PRKCA: variants seen among roughly 807,000 people sequenced by gnomAD.
PRKCA encodes protein kinase C alpha type.
PRKCA carries 27 observed loss-of-function variants against 87.0 expected under a neutral mutation model. The observed-to-expected ratio is 0.31, with a 90% CI of 0.23 to 0.43. The LOEUF is 0.43. PRKCA is among the 20% of genes least tolerant of loss of function. The pLI is 1.00. For synonymous variants in PRKCA, 329 were observed against 311.1 expected (o/e 1.06, Z -0.61); for missense variants, 518 against 852.3 (o/e 0.61, Z 4.88).
At chr17:66,329,462 A>G (rs1906192233) in intron 2 of PRKCA, among the ~76,000 whole-genome samples, 1 of 152,212 alleles carries the variant, frequency 6.6e-6, no homozygotes, top group Non-Finnish European at 1.5e-5. Context: ...TTACAAGTTA[A>G]GTTGAATGAA....
chr17:66,594,191 G>A (rs1484317609), intron 3 of PRKCA, among the ~76,000 whole-genome samples: 1 of 152,174 alleles, frequency 6.6e-6, no homozygotes, highest in Non-Finnish European at 1.5e-5. Flanking sequence ...TCTTCCACTG[G>A]AGTATTTCAC....
In PRKCA at chr17:66,526,592, G is replaced by A. The variant is rs1967355037; in HGVS notation, c.288+30309G>A. On this transcript the variant is annotated intron_variant, in intron 3 of 16. Transcript: ENST00000413366. ...GAGGATGGGCAGAAACACTAAGTCT[G>A]GTTCATTCTAGGCTTGGTAGGGGCA... Among the ~76,000 whole-genome samples, 4 of 152,240 alleles carry A rather than the reference G, an allele frequency of 2.6e-5. No homozygotes were observed. In the South Asian group the frequency reaches 8.3e-4, roughly 32 times the overall value.
At chr17:66,441,775 T>G (rs186364775) in intron 2 of PRKCA, among the ~76,000 whole-genome samples, 2 of 152,284 alleles carry the variant, frequency 1.3e-5, no homozygotes, top group Admixed American at 1.3e-4. Context: ...ACATTTAATT[T>G]ACACTGAAAT....
intron 5 of PRKCA, among the ~76,000 whole-genome samples, chr17:66,672,069 G>A (rs1308414581): frequency 6.6e-5 from 10 of 152,160 alleles, no homozygotes; most frequent in Admixed American, 6.5e-4. Flanking sequence ...TGAATATTAA[G>A]CTAATCTCAG....
chr17:66,612,008 G>A (rs76266496), intron 3 of PRKCA, among the ~76,000 whole-genome samples: 4,874 of 151,482 alleles, frequency 0.032, 252 homozygotes, highest in African/African-American at 0.11. Flanking sequence ...TTTTTATAAT[G>A]GATTTATTTA....
intron 2 of PRKCA, among the ~76,000 whole-genome samples, chr17:66,452,071 G>A (rs1404822086): frequency 6.6e-6 from 1 of 152,168 alleles, no homozygotes; most frequent in Non-Finnish European, 1.5e-5. Context: ...ATATGAAGCC[G>A]TGTATGGCCC....
At chr17:66,773,186 T>A (rs142849063) in intron 13 of PRKCA, among the ~76,000 whole-genome samples, 215 of 152,288 alleles carry the variant, frequency 1.4e-3, no homozygotes, top group African/African-American at 5.0e-3. Context: ...ACAAAATGAA[T>A]GGTAAGTCCT....
chr17:66,315,493 T>C (rs77584076), intron 2 of PRKCA, among the ~76,000 whole-genome samples: 1 of 151,864 alleles, frequency 6.6e-6, no homozygotes, highest in Non-Finnish European at 1.5e-5. Flanking sequence ...TTTTTTTTTT[T>C]TTCTGAGACG....
chr17:66,326,126 G>A (rs1905966454), intron 2 of PRKCA, among the ~76,000 whole-genome samples: 1 of 152,094 alleles, frequency 6.6e-6, no homozygotes, highest in Non-Finnish European at 1.5e-5. Context: ...ACTAAATGAG[G>A]ACAGATTATT....
At chr17:66,701,420 G>C (rs1013354041) in intron 8 of PRKCA, among the ~76,000 whole-genome samples, 1 of 152,042 alleles carries the variant, frequency 6.6e-6, no homozygotes, top group South Asian at 2.1e-4. Context: ...GACACCAAAA[G>C]CACTGGCAAC....
intron 7 of PRKCA, among the ~76,000 whole-genome samples, 197 bp downstream of exon 7, chr17:66,688,633 C>T (rs560216415): frequency 4.8e-4 from 73 of 151,898 alleles, no homozygotes; most frequent in Non-Finnish European, 9.0e-4. Context: ...AGAAACCCCA[C>T]CTCTACAGAA....
intron 3 of PRKCA, among the ~76,000 whole-genome samples, chr17:66,515,604 G>A (rs983298980): frequency 6.6e-6 from 1 of 152,114 alleles, no homozygotes; most frequent in Non-Finnish European, 1.5e-5. Context: ...GTGCAGTGGG[G>A]TGGTCACAGC....
intron 3 of PRKCA, among the ~76,000 whole-genome samples, chr17:66,625,622 A>G (rs1970833195): frequency 6.6e-6 from 1 of 152,214 alleles, no homozygotes; most frequent in South Asian, 2.1e-4. Context: ...CTCAGGGGAA[A>G]ATAGCCTTCT....
chr17:66,457,800 G>C (rs770452057), intron 2 of PRKCA, among the ~76,000 whole-genome samples: 7 of 152,134 alleles, frequency 4.6e-5, no homozygotes, highest in African/African-American at 9.7e-5. Context: ...CTGCGGAACT[G>C]TGAGTCAATT....
intron 2 of PRKCA, among the ~76,000 whole-genome samples, chr17:66,327,856 T>C (rs1057054052): frequency 1.3e-5 from 2 of 152,186 alleles, no homozygotes; most frequent in African/African-American, 2.4e-5. Flanking sequence ...CCAGCCACGG[T>C]GCCTGATGCT....
intron 2 of PRKCA, among the ~76,000 whole-genome samples, chr17:66,489,071 G>T (rs760391140): frequency 6.6e-6 from 1 of 151,794 alleles, no homozygotes. Context: ...ACCATATCAC[G>T]TGATGGCAAC....
At chr17:66,763,357 G>T (rs1403058150) in intron 13 of PRKCA, among the ~76,000 whole-genome samples, 1 of 152,214 alleles carries the variant, frequency 6.6e-6, no homozygotes, top group Non-Finnish European at 1.5e-5. Flanking sequence ...TCCAGGAGTT[G>T]TGGGTCCCAC....
intron 2 of PRKCA, among the ~76,000 whole-genome samples, chr17:66,436,508 G>A (rs1913402640): frequency 6.6e-6 from 1 of 152,230 alleles, no homozygotes; most frequent in Non-Finnish European, 1.5e-5. Context: ...CCCACTGAAT[G>A]CCAGTGCTTT....
intron 2 of PRKCA, among the ~76,000 whole-genome samples, chr17:66,458,832 G>T (rs996974522): frequency 5.9e-5 from 9 of 152,044 alleles, no homozygotes; most frequent in African/African-American, 2.2e-4. Flanking sequence ...TTACACATTT[G>T]GTTACCGACC....
Sources: allele counts gnomAD v4.1 joint callset (sites outside exome capture counted in the v4.1 genomes callset), GRCh38; gene constraint gnomAD v4.1.1; transcripts MANE v1.5; gene names NCBI Gene and HGNC (gene_info 2026-07-23, HGNC 2026-07-21).